Variants in ATP8B4 observed in about 807,000 individuals in gnomAD.
ATP8B4 encodes ATPase phospholipid transporting 8B4 (putative).
A neutral mutation model predicts 145.6 loss-of-function variants in ATP8B4; 133 were observed. The ratio of observed to expected loss-of-function variants is 0.91; its 90% confidence interval spans 0.79 to 1.05. The LOEUF is 1.05. ATP8B4 is among the 50% of genes least tolerant of loss of function. The probability of loss-of-function intolerance (pLI) is 0.00; values close to 1 mark genes in which losing one functional copy is unlikely to be tolerated. For missense variants in ATP8B4, 1,458 were observed against 1,425.2 expected (o/e 1.02, Z -0.37); for synonymous variants, 507 against 492.9 (o/e 1.03, Z -0.38).
At chr15:50,013,936 C>A (rs938946742) in intron 6 of ATP8B4, among the ~76,000 whole-genome samples, 1 of 152,174 alleles carries the variant, frequency 6.6e-6, no homozygotes, top group Non-Finnish European at 1.5e-5. Flanking sequence ...AGTGAGGTAG[C>A]ACCTATCATG....
intron 1 of ATP8B4, among the ~76,000 whole-genome samples, chr15:50,175,587 A>T (rs2044750173): frequency 6.6e-6 from 1 of 152,254 alleles, no homozygotes; most frequent in Non-Finnish European, 1.5e-5. Context: ...GTCAACAAGC[A>T]TATTAAAAAA....
Position 50,168,533 on chromosome 15 carries a change from C to CA in ATP8B4, c.-43+13727_-43+13728insT, listed in dbSNP as rs2044626157. 2.0e-5 allele frequency among the ~76,000 whole-genome samples: 3 copies of CA among 152,102 alleles called. No homozygotes were observed. In the South Asian group the frequency reaches 6.2e-4, roughly 32 times the overall value. On this transcript the variant is annotated intron_variant, in intron 1 of 3. Coordinates refer to the ATP8B4 transcript ENST00000558829. ...AAGCAGCAGAAAGGCCCTGGGAGCT[C>CA]GCTGGGCCCTCAAGCAGCCCATTCC... is the stretch of plus-strand genomic sequence containing the variant.
chr15:50,039,760 A>G (rs1359343135), intron 5 of ATP8B4, among the ~76,000 whole-genome samples: 1 of 152,202 alleles, frequency 6.6e-6, no homozygotes, highest in East Asian at 1.9e-4. Flanking sequence ...CAAAATCACA[A>G]AATACAAAAT....
intron 18 of ATP8B4, 35 bp from the exon 19 acceptor site, chr15:49,918,985 G>A: frequency 7.0e-7 from 1 of 1,435,576 alleles, no homozygotes; most frequent in East Asian, 2.3e-5. Flanking sequence ...TTATGTTAAT[G>A]CATGCAAACA....
In ATP8B4 at chr15:50,044,693, C is replaced by T. The variant is rs1171132822; in HGVS notation, c.202-1G>A. 1 of 1,602,570 alleles carries T rather than the reference C, an allele frequency of 6.2e-7. No individual in the cohort carries two copies. The highest frequency in any genetic ancestry group is 1.3e-5 in the African/African-American group (1 of 74,644). ...TCAAGGAGGAAATTTCTGGAATTAG[C>T]TGAAACAAACATTCCAAATAGTTTA... On this transcript the variant is annotated splice_acceptor_variant, in intron 4 of 27. Coordinates refer to ENST00000284509, the MANE Select transcript of ATP8B4 (RefSeq NM_024837.4). LOFTEE classifies it high-confidence loss of function.
At chr15:49,992,986 A>G (rs867527926) in intron 9 of ATP8B4, among the ~76,000 whole-genome samples, 1 of 152,246 alleles carries the variant, frequency 6.6e-6, no homozygotes, top group Non-Finnish European at 1.5e-5. Context: ...TCTTTTTCCA[A>G]TCACCAGAGG....
At chr15:50,057,937 A>G (rs1013612158) in intron 3 of ATP8B4, among the ~76,000 whole-genome samples, 1 of 152,194 alleles carries the variant, frequency 6.6e-6, no homozygotes, top group East Asian at 1.9e-4. Flanking sequence ...CATTTTAAGT[A>G]GTTGCAGTAA....
intron 3 of ATP8B4, among the ~76,000 whole-genome samples, chr15:50,048,427 G>T (rs2051897831): frequency 1.3e-5 from 2 of 151,752 alleles, no homozygotes; most frequent in African/African-American, 2.4e-5. Flanking sequence ...GGCAAAGGGG[G>T]CCAAGCACAG....
chr15:50,128,839 T>C (rs1488700873), intron 1 of ATP8B4, among the ~76,000 whole-genome samples: 1 of 151,782 alleles, frequency 6.6e-6, no homozygotes, highest in Non-Finnish European at 1.5e-5. Context: ...GTGGGCGGAG[T>C]TCGAGAACTC....
chr15:50,027,326 A>G (rs139996711), intron 6 of ATP8B4, among the ~76,000 whole-genome samples: 5 of 151,828 alleles, frequency 3.3e-5, no homozygotes, highest in African/African-American at 1.2e-4. Flanking sequence ...TGTCCGTAGC[A>G]TCTAGCACAG....
chr15:49,889,955 AG>A (rs951620559), intron 23 of ATP8B4, among the ~76,000 whole-genome samples: 4 of 152,362 alleles, frequency 2.6e-5, no homozygotes, highest in South Asian at 4.1e-4. Context: ...GTGATTTGAC[AG>A]GGTTGGCCCC....
chr15:49,905,508 G>A (rs74012838), intron 20 of ATP8B4, among the ~76,000 whole-genome samples: 21,420 of 152,078 alleles, frequency 0.14, 2,320 homozygotes, highest in African/African-American at 0.3. Context: ...CTCAGTCCTA[G>A]TATTAAGAAA....
intron 1 of ATP8B4, among the ~76,000 whole-genome samples, chr15:50,124,877 C>A (rs1365750005): frequency 6.6e-6 from 1 of 152,222 alleles, no homozygotes; most frequent in Non-Finnish European, 1.5e-5. Context: ...TTAAACCAGA[C>A]AGCCTAACAC....
At chr15:49,988,325 C>G (rs1298765309) in intron 9 of ATP8B4, among the ~76,000 whole-genome samples, 1 of 152,134 alleles carries the variant, frequency 6.6e-6, no homozygotes, top group Non-Finnish European at 1.5e-5. Flanking sequence ...AATAATCTTT[C>G]ACGGACCCTG....
intron 14 of ATP8B4, among the ~76,000 whole-genome samples, chr15:49,937,545 T>C (rs1429203927): frequency 6.6e-6 from 1 of 152,130 alleles, no homozygotes; most frequent in Non-Finnish European, 1.5e-5. Context: ...AAACATGTAT[T>C]GAGTGCCCAG....
chr15:50,165,260 C>T (rs1024615825), intron 1 of ATP8B4, among the ~76,000 whole-genome samples: 1 of 152,104 alleles, frequency 6.6e-6, no homozygotes, highest in African/African-American at 2.4e-5. Context: ...ACCCTGTTGG[C>T]TAGGCTGGTC....
intron 3 of ATP8B4, among the ~76,000 whole-genome samples, chr15:50,054,499 A>C (rs2052432396): frequency 6.6e-6 from 1 of 152,106 alleles, no homozygotes; most frequent in Non-Finnish European, 1.5e-5. Flanking sequence ...TCAAAAACCA[A>C]CTGGCTGGGC....
chr15:50,041,821 T>C (rs908917065), intron 5 of ATP8B4, among the ~76,000 whole-genome samples: 4 of 152,120 alleles, frequency 2.6e-5, no homozygotes, highest in Non-Finnish European at 5.9e-5. Flanking sequence ...GTGCCTATAG[T>C]CCCAGCTACT....
intron 17 of ATP8B4, 145 bp from the exon 18 acceptor site, chr15:49,920,555 T>C: frequency 1.1e-6 from 1 of 912,796 alleles, no homozygotes; most frequent in Non-Finnish European, 1.6e-6. Flanking sequence ...TCTCAACTTT[T>C]TAATCTCCTC....
Sources: allele counts gnomAD v4.1 joint callset (sites outside exome capture counted in the v4.1 genomes callset), GRCh38; gene constraint gnomAD v4.1.1; transcripts MANE v1.5; gene names NCBI Gene and HGNC (gene_info 2026-07-23, HGNC 2026-07-21).